Variants in GPC6 observed in about 807,000 individuals in gnomAD.
The protein encoded by GPC6 is glypican 6.
A neutral mutation model predicts 55.2 loss-of-function variants in GPC6; 14 were observed. That is an observed-to-expected ratio of 0.25 (90% confidence interval 0.17 to 0.40). The LOEUF (loss-of-function observed/expected upper bound fraction) is 0.40. Among genes scored for constraint, GPC6 ranks in the 10% least tolerant of loss-of-function variants. The pLI is 1.00. For missense variants in GPC6, 641 were observed against 708.5 expected (o/e 0.90, Z 1.08); for synonymous variants, 278 against 259.6 (o/e 1.07, Z -0.68).
intron 4 of GPC6, among the ~76,000 whole-genome samples, chr13:94,143,375 CAG>C (rs999961719): frequency 2.6e-5 from 4 of 152,090 alleles, no homozygotes; most frequent in African/African-American, 9.7e-5. Flanking sequence ...AAGGTTTTGA[CAG>C]AGAGTATTTC....
intron 1 of GPC6, among the ~76,000 whole-genome samples, chr13:93,464,921 G>C (rs1308892852): frequency 1.3e-5 from 2 of 152,154 alleles, no homozygotes; most frequent in Non-Finnish European, 2.9e-5. Context: ...CTGCAGAATG[G>C]ATATTGTGTT....
chr13:93,433,344 A>G (rs7326501), intron 1 of GPC6, among the ~76,000 whole-genome samples: 5,351 of 152,260 alleles, frequency 0.035, 310 homozygotes, highest in African/African-American at 0.12. Flanking sequence ...TGCTTTTGCC[A>G]CTGTGAGACC....
chr13:93,232,902 T>C (rs1876109012), intron 1 of GPC6, among the ~76,000 whole-genome samples: 1 of 152,146 alleles, frequency 6.6e-6, no homozygotes, highest in South Asian at 2.1e-4. Context: ...TGATCTTATA[T>C]TGAAACCCAC....
At chr13:94,238,956 T>C (rs1420328584) in intron 4 of GPC6, among the ~76,000 whole-genome samples, 1 of 152,150 alleles carries the variant, frequency 6.6e-6, no homozygotes, top group Non-Finnish European at 1.5e-5. Flanking sequence ...GAAAATGCCT[T>C]TTGCAAAGAT....
chr13:93,392,292 C>A (rs1875661705), intron 1 of GPC6, among the ~76,000 whole-genome samples: 1 of 152,208 alleles, frequency 6.6e-6, no homozygotes. Flanking sequence ...AGCCTGGCAA[C>A]TACGACCAAT....
chr13:93,714,147 G>C (rs888482307), intron 2 of GPC6, among the ~76,000 whole-genome samples: 5 of 151,880 alleles, frequency 3.3e-5, no homozygotes, highest in Non-Finnish European at 7.4e-5. Flanking sequence ...AGAGTAAACA[G>C]ACAACCAACA....
intron 4 of GPC6, among the ~76,000 whole-genome samples, chr13:94,137,356 G>A (rs1349411936): frequency 6.6e-6 from 1 of 152,096 alleles, no homozygotes; most frequent in Non-Finnish European, 1.5e-5. Context: ...GTGAAATTTT[G>A]TCCAGCTGGG....
At chr13:93,261,419 T>C (rs1359109093) in intron 1 of GPC6, among the ~76,000 whole-genome samples, 2 of 152,194 alleles carry the variant, frequency 1.3e-5, no homozygotes, top group Non-Finnish European at 2.9e-5. Flanking sequence ...TGACAAGAAG[T>C]TCAGCTCTCA....
intron 6 of GPC6, among the ~76,000 whole-genome samples, chr13:94,312,033 T>A (rs1015484677): frequency 2.6e-5 from 4 of 152,236 alleles, no homozygotes; most frequent in East Asian, 1.9e-4. Flanking sequence ...CTAATAGTTA[T>A]CATGACCCTT....
chr13:94,074,782 T>C (rs1884850663), intron 4 of GPC6, among the ~76,000 whole-genome samples: 1 of 152,210 alleles, frequency 6.6e-6, no homozygotes, highest in African/African-American at 2.4e-5. Context: ...TACATAACCA[T>C]GACTGAAACA....
intron 2 of GPC6, among the ~76,000 whole-genome samples, chr13:93,687,259 CT>C (rs1882084851): frequency 1.3e-5 from 2 of 152,054 alleles, no homozygotes; most frequent in South Asian, 4.1e-4. Flanking sequence ...TTCTGTCCCC[CT>C]CATCTCTGAA....
At chr13:93,456,956 C>T (rs1345926306) in intron 1 of GPC6, among the ~76,000 whole-genome samples, 2 of 152,078 alleles carry the variant, frequency 1.3e-5, no homozygotes, top group Non-Finnish European at 2.9e-5. Flanking sequence ...GCAGTGGTTT[C>T]CCCCATCCTG....
At chr13:94,271,263 T>C in intron 4 of GPC6, among the ~76,000 whole-genome samples, 1 of 151,894 alleles carries the variant, frequency 6.6e-6, no homozygotes, top group Non-Finnish European at 1.5e-5. Flanking sequence ...AATGCTGGGA[T>C]TACAGGCATG....
At chr13:94,012,298 GC>G (rs1882279149) in intron 3 of GPC6, among the ~76,000 whole-genome samples, 1 of 151,936 alleles carries the variant, frequency 6.6e-6, no homozygotes, top group Non-Finnish European at 1.5e-5. Flanking sequence ...AAAGGTCCAT[GC>G]TGGTACTTTG....
intron 2 of GPC6, among the ~76,000 whole-genome samples, chr13:93,574,689 C>T (rs183666662): frequency 5.3e-5 from 8 of 152,202 alleles, no homozygotes; most frequent in African/African-American, 1.7e-4. Flanking sequence ...ACTTCCATTA[C>T]CCCCCAAAAA....
chr13:93,225,555 G>A (rs1283177018), upstream of GPC6, among the ~76,000 whole-genome samples: 2 of 151,640 alleles, frequency 1.3e-5, no homozygotes, highest in Non-Finnish European at 2.9e-5. Flanking sequence ...TGAGTTTGAA[G>A]AAGACAAAGT....
intron 2 of GPC6, among the ~76,000 whole-genome samples, chr13:93,592,064 A>G (rs1468980363): frequency 6.6e-6 from 1 of 152,162 alleles, no homozygotes; most frequent in Non-Finnish European, 1.5e-5. Flanking sequence ...GAATGTATTA[A>G]CTGCATTCAG....
intron 1 of GPC6, chr13:93,395,468 A>C (rs900441723): frequency 4.6e-6 from 1 of 218,022 alleles, no homozygotes; most frequent in African/African-American, 2.3e-5. Flanking sequence ...TATTTCAATC[A>C]CATCAATTTT....
chr13:93,408,169 G>A (rs1323980), intron 1 of GPC6, among the ~76,000 whole-genome samples: 92,007 of 152,030 alleles, frequency 0.61, 28,072 homozygotes, highest in East Asian at 0.79. Flanking sequence ...GTCATCTATG[G>A]AAAACTGTGC....
Sources: allele counts gnomAD v4.1 joint callset (sites outside exome capture counted in the v4.1 genomes callset), GRCh38; gene constraint gnomAD v4.1.1; transcripts MANE v1.5; gene names NCBI Gene and HGNC (gene_info 2026-07-23, HGNC 2026-07-21).